The following FRMPD4 variants were observed in gnomAD, a reference collection of about 807,000 sequenced individuals.
FRMPD4 encodes the protein FERM and PDZ domain-containing protein 4.
FRMPD4 carries 22 observed loss-of-function variants against 94.1 expected under a neutral mutation model. That is an observed-to-expected ratio of 0.23 (90% confidence interval 0.17 to 0.33). The LOEUF is 0.33. FRMPD4 is among the 10% of genes least tolerant of loss of function. FRMPD4 has a pLI of 1.00. For synonymous variants in FRMPD4, 631 were observed against 548.6 expected (o/e 1.15, Z -2.10); for missense variants, 1,111 against 1,339.9 (o/e 0.83, Z 2.67).
chrX:12,402,012 A>G (rs1317020912), intron 1 of FRMPD4, among the ~76,000 whole-genome samples: 1 of 110,948 alleles, frequency 9.0e-6, no homozygotes, highest in Non-Finnish European at 1.9e-5. Flanking sequence ...CCACTCTGAA[A>G]GTAGCCAGCT....
At chrX:12,318,389 G>A (rs1419774108) in intron 1 of FRMPD4, among the ~76,000 whole-genome samples, 3 of 111,669 alleles carry the variant, frequency 2.7e-5, no homozygotes. Context: ...GCCGAGTGTG[G>A]TGGTGCATGC....
At chrX:11,831,787 A>G (rs1268507047) in intron 1 of FRMPD4, among the ~76,000 whole-genome samples, 2 of 111,960 alleles carry the variant, frequency 1.8e-5, no homozygotes, top group Non-Finnish European at 3.8e-5. Context: ...GCTGTTTTAG[A>G]TATTGAAGGA....
intron 2 of FRMPD4, among the ~76,000 whole-genome samples, chrX:12,518,049 C>T (rs2058122206): frequency 8.9e-6 from 1 of 112,024 alleles, no homozygotes; most frequent in South Asian, 3.7e-4. Flanking sequence ...ATCCAGTCTC[C>T]CCAGCCTCAG....
chrX:12,451,776 C>T (rs1020737619), intron 1 of FRMPD4, among the ~76,000 whole-genome samples: 4 of 98,948 alleles, frequency 4.0e-5, no homozygotes, highest in African/African-American at 1.4e-4. Context: ...ATTCTACTTA[C>T]TTTCCTCTTT....
intron 2 of FRMPD4, among the ~76,000 whole-genome samples, chrX:12,584,151 C>T (rs757861435): frequency 1.8e-5 from 2 of 112,450 alleles, no homozygotes; most frequent in South Asian, 7.4e-4. Context: ...GATTTTAAAG[C>T]TCACCTGTGC....
intron 4 of FRMPD4, among the ~76,000 whole-genome samples, chrX:12,659,104 C>A (rs746359080): frequency 1.3e-3 from 147 of 112,276 alleles, no homozygotes; most frequent in Non-Finnish European, 2.4e-3. Flanking sequence ...TCAAACTTCC[C>A]TGGCAGGTTC....
chrX:11,962,654 C>A (rs1236951693), intron 3 of FRMPD4, among the ~76,000 whole-genome samples: 15 of 111,569 alleles, frequency 1.3e-4, no homozygotes, highest in Non-Finnish European at 2.6e-4. Flanking sequence ...GACACCCTGC[C>A]TTCAGAAAAG....
At chrX:11,832,858 T>C (rs191905217) in intron 1 of FRMPD4, among the ~76,000 whole-genome samples, 81 of 111,471 alleles carry the variant, frequency 7.3e-4, no homozygotes, top group African/African-American at 2.5e-3. Context: ...CCAGAATCCA[T>C]AGCTTGCTTT....
intron 2 of FRMPD4, among the ~76,000 whole-genome samples, chrX:12,515,169 T>G (rs5978541): frequency 1.6e-3 from 181 of 112,013 alleles, no homozygotes; most frequent in African/African-American, 5.6e-3. Context: ...ATTCATTGAT[T>G]TTTTAAAATG....
chrX:12,575,411 A>C (rs1455506489), intron 2 of FRMPD4, among the ~76,000 whole-genome samples: 2 of 108,709 alleles, frequency 1.8e-5, no homozygotes, highest in African/African-American at 6.7e-5. Context: ...TGATGCTAAC[A>C]TTCTTAGAAT....
At chrX:12,181,018 T>C (rs975382463) in intron 1 of FRMPD4, among the ~76,000 whole-genome samples, 2 of 112,018 alleles carry the variant, frequency 1.8e-5, no homozygotes, top group African/African-American at 6.5e-5. Context: ...TCTGCTTTAA[T>C]AGACATATTC....
chrX:11,944,554 G>A (rs144718357), intron 3 of FRMPD4, among the ~76,000 whole-genome samples: 12 of 111,806 alleles, frequency 1.1e-4, no homozygotes, highest in South Asian at 7.7e-4. Context: ...TGCAGTCAGC[G>A]TAGGAGACTA....
At chrX:12,167,874 A>G (rs1348744460) in intron 1 of FRMPD4, among the ~76,000 whole-genome samples, 1 of 111,968 alleles carries the variant, frequency 8.9e-6, no homozygotes, top group Non-Finnish European at 1.9e-5. Flanking sequence ...AAAGAATTCT[A>G]TCTGGGATGG....
At chrX:12,061,738 G>T (rs1379522255) in intron 3 of FRMPD4, among the ~76,000 whole-genome samples, 1 of 111,707 alleles carries the variant, frequency 9.0e-6, no homozygotes, top group Non-Finnish European at 1.9e-5. Flanking sequence ...AGGGGTATTT[G>T]CTTTTTAAAA....
At chrX:11,831,214 T>C (rs1274932131) in intron 1 of FRMPD4, among the ~76,000 whole-genome samples, 2 of 110,183 alleles carry the variant, frequency 1.8e-5, no homozygotes, top group Admixed American at 9.8e-5. Context: ...TGATATCTTA[T>C]AATGAAAAAA....
intron 1 of FRMPD4, among the ~76,000 whole-genome samples, chrX:12,468,320 G>T (rs2057471023): frequency 8.9e-6 from 1 of 112,043 alleles, no homozygotes; most frequent in Non-Finnish European, 1.9e-5. Flanking sequence ...ACAAATTATG[G>T]TTTTATAAGG....
At chrX:12,484,175 A>G (rs1191088392) in intron 1 of FRMPD4, among the ~76,000 whole-genome samples, 1 of 112,462 alleles carries the variant, frequency 8.9e-6, no homozygotes, top group Non-Finnish European at 1.9e-5. Context: ...AAAGATACAC[A>G]TATAAAGGAG....
intron 3 of FRMPD4, among the ~76,000 whole-genome samples, chrX:12,027,576 G>T (rs2054667749): frequency 9.1e-6 from 1 of 110,382 alleles, no homozygotes; most frequent in South Asian, 3.8e-4. Flanking sequence ...TAAATTTGCT[G>T]AGGTATAAAT....
chrX:12,161,236 G>A (rs2056021171), intron 1 of FRMPD4, among the ~76,000 whole-genome samples: 1 of 109,984 alleles, frequency 9.1e-6, no homozygotes. Flanking sequence ...TTAGCTCACT[G>A]CAACCTCCAC....
Sources: allele counts gnomAD v4.1 joint callset (sites outside exome capture counted in the v4.1 genomes callset), GRCh38; gene constraint gnomAD v4.1.1; transcripts MANE v1.5; gene names NCBI Gene and HGNC (gene_info 2026-07-23, HGNC 2026-07-21).